MEGF8: variants seen among roughly 807,000 people sequenced by gnomAD.
The protein encoded by MEGF8 is multiple epidermal growth factor-like domains protein 8.
Under a neutral mutation model 302.9 loss-of-function variants are expected in MEGF8, and 156 were observed. The ratio of observed to expected loss-of-function variants is 0.52; its 90% CI spans 0.45 to 0.59. The LOEUF (loss-of-function observed/expected upper bound fraction) is 0.59, where lower values mean the gene tolerates loss of function less well. Among genes scored for constraint, MEGF8 ranks in the 20% least tolerant of loss-of-function variants. MEGF8 has a pLI of 0.00. For synonymous variants in MEGF8, 1,621 were observed against 1,660.5 expected (o/e 0.98, Z 0.58); for missense variants, 3,345 against 3,964.5 (o/e 0.84, Z 4.20).
In MEGF8 at chr19:42,354,604, C is replaced by T. The variant is rs746330794; in HGVS notation, c.4028C>T (p.Ala1343Val). The change falls in exon 23 of 42, where the codon GCG becomes GTG. Residue 1343 changes from alanine to valine, a missense_variant. Transcript: ENST00000251268. This position sits in a 1 kb window ranked among gnomAD's most constrained non-coding sequence, Gnocchi z 4.3. ...CCCCTCTAGCTGAGCTACGTCCTGG[C>T]GTTTGATGGATTCCCACGCTTCCTG... ...STPCTLSYVL[A>V]FDGFPRFLDT... 25 of 1,612,518 alleles carry T rather than the reference C, an allele frequency of 1.6e-5. 1 individual carries two copies. The highest frequency in any genetic ancestry group is 9.9e-5 in the South Asian group (9 of 91,026).
At chr19:42,347,000 AAAAAAG>A (rs1447199270) in intron 12 of MEGF8, among the ~76,000 whole-genome samples, 13 of 150,548 alleles carry the variant, frequency 8.6e-5, no homozygotes, top group Admixed American at 2.0e-4. Flanking sequence ...AAAAAAAAAA[AAAAAAG>A]AAAAAGAAAA....
rs1208224988 is a variant in MEGF8 at position 42,334,206 on chromosome 19, G to T, written c.551G>T (p.Cys184Phe). Residue 184 changes from cysteine to phenylalanine, a missense_variant, in exon 3 of 42, where the codon TGC becomes TTC. Coordinates refer to ENST00000251268, the MANE Select transcript of MEGF8 (RefSeq NM_001271938.2). Reference protein sequence around the residue: ...CSAYCGSHGTCASPLGPCRCE... With the variant: ...CSAYCGSHGTFASPLGPCRCE... Reference sequence around the variant, plus strand: ...GCCTACTGTGGCAGCCACGGCACCTGCGCCTCGGTGAGCCGGTCCCCAGCC... The same window carrying T: ...GCCTACTGTGGCAGCCACGGCACCTTCGCCTCGGTGAGCCGGTCCCCAGCC... 2 of 1,596,152 alleles carry T rather than the reference G, an allele frequency of 1.3e-6. No homozygotes were observed. Among genetic ancestry groups the T allele is most frequent in the African/African-American group, 1.3e-5 (1 of 74,562 alleles).
chr19:42,344,351 C>A lies in MEGF8; in HGVS notation c.1789-90C>A. The A allele has an allele frequency of 6.8e-7, 1 of 1,461,078 alleles. No homozygotes were observed. Among genetic ancestry groups the A allele is most frequent in the Non-Finnish European group, 9.1e-7 (1 of 1,104,330 alleles). 90.5% of individuals were successfully genotyped at this position (1,461,078 alleles called of 1,614,324 possible). A position where few individuals can be genotyped will look rare whatever the true frequency, so the allele number is the denominator to read the frequency against. On this transcript the variant is annotated intron_variant, in intron 10 of 41. Coordinates refer to ENST00000251268, the MANE Select transcript of MEGF8 (RefSeq NM_001271938.2). The surrounding 1 kb of genome is among the most constrained non-coding windows in gnomAD (Gnocchi z 4.5). Reference sequence around the variant, plus strand: ...CCGTTCTTCAGTTTTTTCGCCCTTTCCATCGCAGGACCCTGTATCCACAGC... The same window carrying A: ...CCGTTCTTCAGTTTTTTCGCCCTTTACATCGCAGGACCCTGTATCCACAGC...
Position 42,369,539 on chromosome 19 carries a change from G to T in MEGF8, c.6650G>T (p.Gly2217Val). The change falls in exon 38 of 42, where the codon GGG becomes GTG. Residue 2217 changes from glycine (G) to valine (V), a missense_variant. Coordinates refer to ENST00000251268, the MANE Select transcript of MEGF8 (RefSeq NM_001271938.2). The surrounding 1 kb of genome is among the most constrained non-coding windows in gnomAD (Gnocchi z 5.7). ...KTGYTMDNMT[G>V]LCRPVCAQGC... ...CCACTTTGCCCCTGCAGCATGACAG[G>T]GCTGTGCCGCCCTGTGTGCGCCCAG... 6.2e-7 allele frequency: 1 copy of T among 1,607,698 alleles called. No homozygotes were observed.
rs2039452406 is a variant in MEGF8, at chr19:42,356,326, C to T, written c.4504-9C>T. 6.2e-7 allele frequency: 1 copy of T among 1,609,366 alleles called. No individual in the cohort carries two copies. Among genetic ancestry groups the T allele is most frequent in the South Asian group, 1.1e-5 (1 of 89,990 alleles). On this transcript the variant is annotated splice_polypyrimidine_tract_variant and intron_variant, in intron 25 of 41. Transcript: ENST00000251268. This position sits in a 1 kb window ranked among gnomAD's most constrained non-coding sequence, Gnocchi z 5.2. Reference sequence around the variant, plus strand: ...TAGCCTGATCCCCAATGTCCGCACCCACCCCTAGGACACTGCCAGCCGCTT... The same window carrying T: ...TAGCCTGATCCCCAATGTCCGCACCTACCCCTAGGACACTGCCAGCCGCTT...
At chr19:42,374,254 T>C (rs1007480437) in intron 41 of MEGF8, among the ~76,000 whole-genome samples, 1 of 152,106 alleles carries the variant, frequency 6.6e-6, no homozygotes, top group Non-Finnish European at 1.5e-5. Context: ...GCAGATCACT[T>C]AAGGTCAGGA....
intron 12 of MEGF8, among the ~76,000 whole-genome samples, chr19:42,347,473 A>G (rs572575384): frequency 7.6e-4 from 115 of 151,606 alleles, no homozygotes; most frequent in Non-Finnish European, 1.5e-3. Flanking sequence ...ATGCACCACC[A>G]TGCCTGGCTG....
intron 8 of MEGF8, among the ~76,000 whole-genome samples, chr19:42,343,161 C>CA (rs1295736410): frequency 6.6e-6 from 1 of 152,198 alleles, no homozygotes; most frequent in African/African-American, 2.4e-5. Context: ...AACCAAGACT[C>CA]AGAGAAGTTC....
At chr19:42,367,908 C>G (rs1158443251) in intron 35 of MEGF8, among the ~76,000 whole-genome samples, 3 of 152,142 alleles carry the variant, frequency 2.0e-5, no homozygotes, top group African/African-American at 7.2e-5. Context: ...CAACCCAAGT[C>G]TACGCGATCT....
At chr19:42,327,021 G>A (rs1233002715) in intron 1 of MEGF8, among the ~76,000 whole-genome samples, 1 of 152,108 alleles carries the variant, frequency 6.6e-6, no homozygotes, top group Non-Finnish European at 1.5e-5. Flanking sequence ...TATTAGCTTT[G>A]TGACTTTGAG....
In MEGF8 at chr19:42,368,322, G is replaced by C; in HGVS notation, c.6274-133G>C. ...GATGACCCCAGCTAGTGTCCACTTT[G>C]CTCTACCTGTGGCCAGGGAGGGGTG... On this transcript the variant is annotated intron_variant, in intron 35 of 41. Coordinates refer to ENST00000251268, the MANE Select transcript of MEGF8 (RefSeq NM_001271938.2). This position sits in a 1 kb window ranked among gnomAD's most constrained non-coding sequence, Gnocchi z 4.9. 1.4e-6 allele frequency: 1 copy of C among 735,442 alleles called. No homozygotes were observed. Among genetic ancestry groups the C allele is most frequent in the Non-Finnish European group, 2.2e-6 (1 of 451,322 alleles). The allele number at this position is 735,442 out of a possible 1,614,324, so 45.6% of individuals were successfully genotyped here. A position where few individuals can be genotyped will look rare whatever the true frequency, so the allele number is the denominator to read the frequency against.
chr19:42,365,024 C>T (rs190319964), intron 35 of MEGF8, among the ~76,000 whole-genome samples: 9 of 152,348 alleles, frequency 5.9e-5, no homozygotes, highest in African/African-American at 2.2e-4. Flanking sequence ...GTATGGGACA[C>T]ACCAAGAGGG....
Position 42,376,091 on chromosome 19 carries a change from C to T in MEGF8, c.7854C>T (p.Gly2618=), listed in dbSNP as rs1353960299. 1.2e-5 allele frequency: 19 copies of T among 1,606,034 alleles called. No individual in the cohort carries two copies. The highest frequency in any genetic ancestry group is 1.4e-5 in the Non-Finnish European group (16 of 1,179,646). ...KSSRFYLLLL[G]VGDPSGPGAN... is the part of the protein sequence containing the mutation. ...GCCGCTTCTACCTGCTGCTGCTGGG[C>T]GTGGGAGACCCAAGTGGGCCCGGCG... The change falls in exon 42 of 42, where the codon GGC becomes GGT. Residue 2618 remains glycine, a synonymous_variant. Transcript: ENST00000251268. This position sits in a 1 kb window ranked among gnomAD's most constrained non-coding sequence, Gnocchi z 8.2.
intron 35 of MEGF8, among the ~76,000 whole-genome samples, chr19:42,366,084 GA>G (rs929282030): frequency 2.0e-5 from 3 of 150,952 alleles, no homozygotes; most frequent in Admixed American, 1.3e-4. Flanking sequence ...TCCGTCTAAA[GA>G]AAAAAAAAGA....
chr19:42,361,284 C>T lies in MEGF8; in HGVS notation c.5720+278C>T, dbSNP rs976254835. On this transcript the variant is annotated intron_variant, in intron 32 of 41. Transcript: ENST00000251268. ...AGTGATTCAGAAGTGAGGCTGAGAC[C>T]GGAAGCTGGAGGGGGTCAGCTCAGA... 8.5e-5 allele frequency among the ~76,000 whole-genome samples: 13 copies of T among 152,248 alleles called. No homozygotes were observed. In the East Asian group the frequency reaches 1.4e-3, roughly 16 times the overall value.
At position 42,351,043 on chromosome 19, in the gene MEGF8, C is replaced by G. The variant is rs763582697; in HGVS notation, c.2737-173C>G. 3.1e-6 allele frequency: 2 copies of G among 635,436 alleles called. No individual in the cohort carries two copies. The highest frequency in any genetic ancestry group is 5.6e-6 in the Non-Finnish European group (2 of 359,596). 39.4% of individuals were successfully genotyped at this position (635,436 alleles called of 1,614,324 possible). ...AGGAGACAGTGGGTGCTGGGCGGGC[C>G]GACCCATGGGTGTCTGTGGTCGAAG... is the stretch of plus-strand genomic sequence containing the variant. On this transcript the variant is annotated intron_variant, in intron 15 of 41. Coordinates refer to ENST00000251268, the MANE Select transcript of MEGF8 (RefSeq NM_001271938.2). The surrounding 1 kb of genome is among the most constrained non-coding windows in gnomAD (Gnocchi z 5.6).
Position 42,358,310 on chromosome 19 carries a change from C to T in MEGF8, c.5175+3C>T, listed in dbSNP as rs2039481851. On this transcript the variant is annotated splice_donor_region_variant and intron_variant, in intron 29 of 41. Coordinates refer to ENST00000251268, the MANE Select transcript of MEGF8 (RefSeq NM_001271938.2). This position sits in a 1 kb window ranked among gnomAD's most constrained non-coding sequence, Gnocchi z 4.4. ...TGGCCCCTTCTCAGGGGGCAAAGGT[C>T]AGGAAAAGAGGCTCAGACCCAAGGA... The T allele has an allele frequency of 6.3e-7, 1 of 1,598,698 alleles. No homozygotes were observed. Among genetic ancestry groups the T allele is most frequent in the South Asian group, 1.1e-5 (1 of 88,102 alleles).
At position 42,376,483 on chromosome 19, in the gene MEGF8, G is replaced by T; in HGVS notation, c.8246G>T (p.Gly2749Val). ...GGTGGGCCCTGGGGACCCATGGGAG[G>T]GGGCTGCTGCCCACCAGCCATCCCC... ...GAGGPWGPMG[G>V]GCCPPAIPAT... The change falls in exon 42 of 42, where the codon GGG becomes GTG. Residue 2749 changes from glycine to valine, a missense_variant. Coordinates refer to ENST00000251268, the MANE Select transcript of MEGF8 (RefSeq NM_001271938.2). The surrounding 1 kb of genome is among the most constrained non-coding windows in gnomAD (Gnocchi z 8.2). The T allele has an allele frequency of 6.3e-7, 1 of 1,597,212 alleles. No homozygotes were observed. The highest frequency in any genetic ancestry group is 8.5e-7 in the Non-Finnish European group (1 of 1,174,422).
At chr19:42,341,429 C>CAAA (rs35096733) in intron 8 of MEGF8, among the ~76,000 whole-genome samples, 7 of 56,918 alleles carry the variant, frequency 1.2e-4, no homozygotes, top group African/African-American at 3.4e-4. Context: ...ACTCCATCTC[C>CAAA]AAAAAAAAAA....
Sources: allele counts gnomAD v4.1 joint callset (sites outside exome capture counted in the v4.1 genomes callset), GRCh38; gene constraint gnomAD v4.1.1; non-coding constraint Gnocchi (gnomAD v3.1); transcripts MANE v1.5; gene names NCBI Gene and HGNC (gene_info 2026-07-23, HGNC 2026-07-21).